The following DNAI7 variants were observed in gnomAD, a reference collection of about 807,000 sequenced individuals.
DNAI7 encodes the protein dynein axonemal intermediate chain 7, also known as cancer susceptibility 1.
A neutral mutation model predicts 86.6 loss-of-function variants in DNAI7; 78 were observed. The observed-to-expected ratio is 0.90, with a 90% CI of 0.75 to 1.09. The LOEUF (loss-of-function observed/expected upper bound fraction) is 1.09. Among genes scored for constraint, DNAI7 ranks in the 50% least tolerant of loss-of-function variants. The pLI, the probability that DNAI7 is intolerant of heterozygous loss-of-function variation, is 0.00. For synonymous variants in DNAI7, 274 were observed against 273.0 expected, an observed-to-expected ratio of 1.00 and a Z score of -0.04; for missense variants, 753 against 810.2, an observed-to-expected ratio of 0.93 and a Z score of 0.86.
intron 9 of DNAI7, among the ~76,000 whole-genome samples, chr12:25,140,991 G>C (rs1410965320): frequency 6.6e-6 from 1 of 152,152 alleles, no homozygotes; most frequent in Admixed American, 6.5e-5. Flanking sequence ...AATGGTGCTG[G>C]AATAATGGGC....
intron 11 of DNAI7, among the ~76,000 whole-genome samples, chr12:25,120,283 G>C (rs566235050): frequency 1.4e-5 from 2 of 139,302 alleles, no homozygotes; most frequent in South Asian, 4.9e-4. Context: ...TGTTAGGGGA[G>C]AGAGGGTGAG....
At chr12:25,145,411 C>T (rs924310149) in intron 8 of DNAI7, among the ~76,000 whole-genome samples, 1 of 152,148 alleles carries the variant, frequency 6.6e-6, no homozygotes, top group Non-Finnish European at 1.5e-5. Flanking sequence ...TTCCTTATCT[C>T]GTAAAAGACA....
chr12:25,122,217 C>G (rs1031881135), intron 10 of DNAI7, among the ~76,000 whole-genome samples: 2 of 151,876 alleles, frequency 1.3e-5, no homozygotes, highest in Admixed American at 6.6e-5. Context: ...CACTACTTTG[C>G]GAGGCTGAGG....
At chr12:25,140,383 C>T (rs1250155374) in intron 9 of DNAI7, among the ~76,000 whole-genome samples, 1 of 152,052 alleles carries the variant, frequency 6.6e-6, no homozygotes, top group Non-Finnish European at 1.5e-5. Context: ...AAATCAGTAG[C>T]ACTGCTATAT....
intron 11 of DNAI7, among the ~76,000 whole-genome samples, chr12:25,120,279 G>A (rs988527830): frequency 7.0e-6 from 1 of 142,814 alleles, no homozygotes; most frequent in East Asian, 2.4e-4. Context: ...GGTGTGTTAG[G>A]GGAGAGAGGG....
At chr12:25,124,265 C>T (rs1298862702) in intron 9 of DNAI7, among the ~76,000 whole-genome samples, 2 of 151,386 alleles carry the variant, frequency 1.3e-5, no homozygotes, top group Non-Finnish European at 3.0e-5. Context: ...CCATATTGCC[C>T]TATGTGTCTT....
At chr12:25,185,364 G>T (rs1483050267) in intron 2 of DNAI7, among the ~76,000 whole-genome samples, 1 of 152,088 alleles carries the variant, frequency 6.6e-6, no homozygotes, top group Non-Finnish European at 1.5e-5. Flanking sequence ...TCAAATTAAT[G>T]AAATCAGAAA....
At chr12:25,110,352 AAGTC>A (rs1949718982) in intron 14 of DNAI7, 112 bp from the exon 15 acceptor site, 1 of 654,170 alleles carries the variant, frequency 1.5e-6, no homozygotes, top group African/African-American at 1.8e-5. Context: ...TTAAAATTGT[AAGTC>A]AGAGTACATG....
chr12:25,150,039 GAAGA>G (rs1207566251), intron 6 of DNAI7, among the ~76,000 whole-genome samples: 2 of 152,204 alleles, frequency 1.3e-5, no homozygotes, highest in Non-Finnish European at 2.9e-5. Context: ...AAGGTGGGGT[GAAGA>G]AAGACCAGTT....
intron 7 of DNAI7, among the ~76,000 whole-genome samples, chr12:25,147,483 C>CCCCCA (rs765651980): frequency 5.1e-4 from 77 of 150,244 alleles, no homozygotes; most frequent in South Asian, 5.1e-3. Flanking sequence ...GAGACCACCC[C>CCCCCA]CATCTCTACA....
At chr12:25,162,016 A>G (rs898341571) in intron 2 of DNAI7, among the ~76,000 whole-genome samples, 1 of 152,262 alleles carries the variant, frequency 6.6e-6, no homozygotes, top group Non-Finnish European at 1.5e-5. Context: ...AACAATTAAC[A>G]CAATTCAATA....
chr12:25,139,287 GA>G (rs1943915017), intron 9 of DNAI7, among the ~76,000 whole-genome samples: 1 of 152,052 alleles, frequency 6.6e-6, no homozygotes, highest in East Asian at 1.9e-4. Context: ...GGCATTCAAA[GA>G]AAAATTGATA....
chr12:25,143,187 T>A (rs1944414847), intron 9 of DNAI7, among the ~76,000 whole-genome samples: 1 of 152,070 alleles, frequency 6.6e-6, no homozygotes, highest in South Asian at 2.1e-4. Context: ...TAAATACAAT[T>A]TTTTTATACT....
intron 9 of DNAI7, among the ~76,000 whole-genome samples, chr12:25,144,048 G>A (rs1944520619): frequency 6.6e-6 from 1 of 152,084 alleles, no homozygotes; most frequent in Non-Finnish European, 1.5e-5. Flanking sequence ...TCCATTTAAT[G>A]GCAAGTTCCC....
chr12:25,192,410 G>A (rs924420122), intron 1 of DNAI7, among the ~76,000 whole-genome samples: 32 of 152,076 alleles, frequency 2.1e-4, no homozygotes, highest in Admixed American at 1.3e-3. Flanking sequence ...AAGTTCAGAG[G>A]GCATAAGAAT....
intron 9 of DNAI7, among the ~76,000 whole-genome samples, chr12:25,144,128 T>C (rs1944530611): frequency 6.6e-6 from 1 of 152,174 alleles, no homozygotes; most frequent in Non-Finnish European, 1.5e-5. Context: ...GTGCACCTAA[T>C]ATAAAAATAA....
rs534692802 is a variant in DNAI7 at position 25,126,217 on chromosome 12, T to C, written c.1003-2931A>G. Among the ~76,000 whole-genome samples the C allele has an allele frequency of 2.2e-4, 34 of 151,802 alleles. 1 individual carries two copies. The highest frequency in any genetic ancestry group is 7.7e-4 in the African/African-American group (32 of 41,384). ...GCTGGAGTGAGGCATGCTAGGAGGG[T>C]GTAAAGATCTGAGGCTGGAGAGATG... On this transcript the variant is annotated intron_variant, in intron 9 of 15. Transcript: ENST00000395987.
intron 14 of DNAI7, among the ~76,000 whole-genome samples, chr12:25,110,898 G>A (rs76426238): frequency 0.01 from 1,538 of 152,104 alleles, 29 homozygotes; most frequent in African/African-American, 0.035. Flanking sequence ...CTAAAATAGT[G>A]CCTAGCACAC....
intron 2 of DNAI7, among the ~76,000 whole-genome samples, chr12:25,183,066 A>G (rs2141303924): frequency 6.6e-6 from 1 of 152,276 alleles, no homozygotes; most frequent in South Asian, 2.1e-4. Context: ...AGCCATAAAA[A>G]GAATGAAATT....
Sources: gnomAD v4.1 joint callset for allele counts (sites outside exome capture counted in the v4.1 genomes callset) on GRCh38, gnomAD v4.1.1 for gene constraint, MANE v1.5 for transcripts, NCBI Gene and HGNC (gene_info 2026-07-23, HGNC 2026-07-21) for gene names.